Variants in MED27 observed in about 807,000 individuals in gnomAD.
The protein encoded by MED27 is mediator complex subunit 27, also known as mediator of RNA polymerase II transcription subunit 27.
A neutral mutation model predicts 38.2 loss-of-function variants in MED27; 30 were observed. The observed-to-expected ratio is 0.79, with a 90% CI of 0.59 to 1.07. MED27 has a LOEUF of 1.07. Among genes scored for constraint, MED27 ranks in the 50% least tolerant of loss-of-function variants. The probability of loss-of-function intolerance (pLI) is 0.00; values close to 1 mark genes in which losing one functional copy is unlikely to be tolerated. For missense variants in MED27, 289 were observed against 397.5 expected (o/e 0.73, Z 2.32); for synonymous variants, 122 against 153.5 (o/e 0.79, Z 1.52).
Position 132,042,131 on chromosome 9 carries a change from G to C in MED27, c.349-27664C>G, listed in dbSNP as rs550350708. On this transcript the variant is annotated intron_variant, in intron 2 of 7. Coordinates refer to ENST00000292035, the MANE Select transcript of MED27 (RefSeq NM_004269.4). ...CACAGACGCTGCCAGTCTTGTCCCA[G>C]CTGGGCTGCTGAGTGGCCACAGGAT... 3.8e-3 allele frequency among the ~76,000 whole-genome samples: 583 copies of C among 152,264 alleles called. 2 individuals are homozygous for C. The highest frequency in any genetic ancestry group is 0.012 in the African/African-American group (486 of 41,538).
At chr9:131,884,398 C>T (rs1256076390) in intron 5 of MED27, among the ~76,000 whole-genome samples, 1 of 152,208 alleles carries the variant, frequency 6.6e-6, no homozygotes. Flanking sequence ...ATTCTCACCA[C>T]GGCTCTTGCA....
chr9:131,871,310 G>C (rs138294590), intron 6 of MED27, among the ~76,000 whole-genome samples: 89 of 152,342 alleles, frequency 5.8e-4, no homozygotes, highest in Non-Finnish European at 1.1e-3. Flanking sequence ...TTAACTCCCA[G>C]ATTCCAGGTT....
At chr9:132,007,116 A>T (rs1403934693) in intron 3 of MED27, among the ~76,000 whole-genome samples, 3 of 152,210 alleles carry the variant, frequency 2.0e-5, no homozygotes, top group Admixed American at 6.5e-5. Flanking sequence ...TGGAAGCCCT[A>T]GGTGTGAGTG....
chr9:132,016,209 A>T (rs564450863), intron 2 of MED27, among the ~76,000 whole-genome samples: 1 of 152,336 alleles, frequency 6.6e-6, no homozygotes, highest in South Asian at 2.1e-4. Context: ...AGACAACAAA[A>T]CCAATTGAAA....
intron 6 of MED27, among the ~76,000 whole-genome samples, chr9:131,864,405 C>T (rs894447024): frequency 6.6e-6 from 1 of 152,160 alleles, no homozygotes; most frequent in Non-Finnish European, 1.5e-5. Flanking sequence ...ATCATCCGAG[C>T]CTGGGAAGTT....
chr9:131,894,621 TA>T (rs58620636), intron 4 of MED27, among the ~76,000 whole-genome samples: 12,455 of 148,368 alleles, frequency 0.084, 1,092 homozygotes, highest in East Asian at 0.39. Context: ...TATTATACAT[TA>T]AAAAAAAAAA....
intron 2 of MED27, among the ~76,000 whole-genome samples, chr9:132,037,090 C>T (rs1564334670): frequency 6.6e-6 from 1 of 152,116 alleles, no homozygotes; most frequent in Non-Finnish European, 1.5e-5. Context: ...TGAAGCACTG[C>T]GCTGGGCACA....
Position 131,883,906 on chromosome 9 carries a change from T to C in MED27, c.723+152A>G. 1.5e-6 allele frequency: 1 copy of C among 646,792 alleles called. No homozygotes were observed. Among genetic ancestry groups the C allele is most frequent in the Non-Finnish European group, 2.6e-6 (1 of 388,344 alleles). 40.1% of individuals were successfully genotyped at this position (646,792 alleles called of 1,614,324 possible). A position where few individuals can be genotyped will look rare whatever the true frequency, so the allele number is the denominator to read the frequency against. On this transcript the variant is annotated intron_variant, in intron 6 of 7. Coordinates refer to ENST00000292035, the MANE Select transcript of MED27 (RefSeq NM_004269.4). This position sits in a 1 kb window ranked among gnomAD's most constrained non-coding sequence, Gnocchi z 4.2. The stretch of plus-strand genomic sequence containing the variant: ...CCTAAGGTTTTGTTTTTTTCCAGAA[T>C]GTCATACATATGGAATCAGACAGTG...
intron 2 of MED27, among the ~76,000 whole-genome samples, chr9:132,058,558 C>T (rs544955874): frequency 2.6e-5 from 4 of 152,204 alleles, no homozygotes; most frequent in Non-Finnish European, 4.4e-5. Flanking sequence ...ATGTTTGCTC[C>T]CCCTTCCAGT....
Position 131,883,975 on chromosome 9 carries a change from C to T in MED27, c.723+83G>A. 1 of 1,231,670 alleles carries T rather than the reference C, an allele frequency of 8.1e-7. No homozygotes were observed. Among genetic ancestry groups the T allele is most frequent in the Non-Finnish European group, 1.2e-6 (1 of 855,610 alleles). The allele number at this position is 1,231,670 out of a possible 1,614,324, so 76.3% of individuals were successfully genotyped here. On this transcript the variant is annotated intron_variant, in intron 6 of 7. Transcript: ENST00000292035. This position sits in a 1 kb window ranked among gnomAD's most constrained non-coding sequence, Gnocchi z 4.2. ...GCTTTTTTCACTTTTTCAAAAGCCTCTGATTTGAGACCAATGTTTAAACCT... is the reference window on the plus strand; with the variant it reads ...GCTTTTTTCACTTTTTCAAAAGCCTTTGATTTGAGACCAATGTTTAAACCT...
intron 2 of MED27, among the ~76,000 whole-genome samples, chr9:132,014,752 A>G (rs906778838): frequency 4.6e-5 from 7 of 152,278 alleles, no homozygotes; most frequent in African/African-American, 1.4e-4. Flanking sequence ...TGATTAAAAT[A>G]GAGAAAGAAC....
rs544977218 is a variant in MED27, at chr9:131,917,738, G to T, written c.573+21643C>A. On this transcript the variant is annotated intron_variant, in intron 4 of 7. Coordinates refer to ENST00000292035, the MANE Select transcript of MED27 (RefSeq NM_004269.4). The surrounding 1 kb of genome is among the most constrained non-coding windows in gnomAD (Gnocchi z 4.6). The stretch of plus-strand genomic sequence containing the variant: ...GCATTTGTTACAAGAATGGAGATAA[G>T]TATTGGAACAGAAAAATGTTAAATT... Among the ~76,000 whole-genome samples the T allele has an allele frequency of 3.9e-5, 6 of 152,182 alleles. No homozygotes were observed. Among genetic ancestry groups the T allele is most frequent in the Non-Finnish European group, 8.8e-5 (6 of 68,030 alleles).
intron 2 of MED27, among the ~76,000 whole-genome samples, chr9:132,069,996 G>A (rs933089966): frequency 2.0e-5 from 3 of 152,214 alleles, no homozygotes; most frequent in Non-Finnish European, 4.4e-5. Context: ...CACCGGCCTA[G>A]GTCCCTCAGA....
intron 2 of MED27, among the ~76,000 whole-genome samples, chr9:132,022,799 A>G (rs9411428): frequency 0.57 from 86,015 of 152,058 alleles, 26,470 homozygotes; most frequent in Non-Finnish European, 0.68. Flanking sequence ...GACCTTCTTC[A>G]CATGGCGGCA....
chr9:131,929,457 T>C (rs1357562542), intron 4 of MED27, among the ~76,000 whole-genome samples: 1 of 152,096 alleles, frequency 6.6e-6, no homozygotes, highest in East Asian at 1.9e-4. Context: ...TTAGATGGTA[T>C]TTCTGGACCT....
intron 3 of MED27, among the ~76,000 whole-genome samples, chr9:131,944,852 T>C (rs1293109769): frequency 6.6e-6 from 1 of 151,926 alleles, no homozygotes; most frequent in Non-Finnish European, 1.5e-5. Flanking sequence ...CTTTCTTGGG[T>C]CACAGATCCC....
chr9:131,991,580 CATAA>C (rs760404391), intron 3 of MED27, among the ~76,000 whole-genome samples: 1 of 152,110 alleles, frequency 6.6e-6, no homozygotes, highest in Non-Finnish European at 1.5e-5. Flanking sequence ...ACTTAACATA[CATAA>C]ATAAACAATT....
intron 2 of MED27, among the ~76,000 whole-genome samples, chr9:132,016,865 C>CAA (rs1832614091): frequency 1.6e-4 from 24 of 152,260 alleles, no homozygotes; most frequent in Admixed American, 1.4e-3. Flanking sequence ...AAACAAAAAC[C>CAA]CAAAACAGCA....
chr9:131,998,168 A>G (rs572889635), intron 3 of MED27, among the ~76,000 whole-genome samples: 1 of 152,250 alleles, frequency 6.6e-6, no homozygotes, highest in Admixed American at 6.5e-5. Context: ...TCTCAGAAAC[A>G]AAAAGGGAAG....
Sources: gnomAD v4.1 joint callset for allele counts (sites outside exome capture counted in the v4.1 genomes callset) on GRCh38, gnomAD v4.1.1 for gene constraint, Gnocchi (gnomAD v3.1) non-coding constraint, MANE v1.5 for transcripts, NCBI Gene and HGNC (gene_info 2026-07-23, HGNC 2026-07-21) for gene names.